The following MGAT4C variants were observed in gnomAD, a reference collection of about 807,000 sequenced individuals.
MGAT4C encodes the protein alpha-1,3-mannosyl-glycoprotein 4-beta-N-acetylglucosaminyltransferase C.
A neutral mutation model predicts 40.1 loss-of-function variants in MGAT4C; 19 were observed. That is an observed-to-expected ratio of 0.47 (90% CI 0.33 to 0.70). The LOEUF is 0.70. Among genes scored for constraint, MGAT4C ranks in the 30% least tolerant of loss-of-function variants. The probability of loss-of-function intolerance (pLI) is 0.02; values close to 1 mark genes in which losing one functional copy is unlikely to be tolerated. For missense variants in MGAT4C, 491 were observed against 563.2 expected (o/e 0.87, Z 1.30); for synonymous variants, 181 against 187.1 (o/e 0.97, Z 0.27).
At chr12:86,350,587 T>C (rs1203375867) in intron 3 of MGAT4C, among the ~76,000 whole-genome samples, 2 of 152,126 alleles carry the variant, frequency 1.3e-5, no homozygotes, top group Non-Finnish European at 2.9e-5. Context: ...CAAATGGAAT[T>C]CACTTATGCA....
At chr12:86,580,139 T>C (rs1337978050) in intron 2 of MGAT4C, among the ~76,000 whole-genome samples, 1 of 151,432 alleles carries the variant, frequency 6.6e-6, no homozygotes, top group Non-Finnish European at 1.5e-5. Context: ...TCTATTTTTC[T>C]GCCTAAGTGC....
intron 1 of MGAT4C, among the ~76,000 whole-genome samples, chr12:86,110,025 G>A (rs188494863): frequency 6.6e-6 from 1 of 151,200 alleles, no homozygotes; most frequent in Admixed American, 6.6e-5. Flanking sequence ...AAAGTCATGG[G>A]CAAAGGCCCT....
At chr12:86,661,874 G>A (rs1963988681) in intron 2 of MGAT4C, among the ~76,000 whole-genome samples, 1 of 152,120 alleles carries the variant, frequency 6.6e-6, no homozygotes, top group African/African-American at 2.4e-5. Context: ...GGGAGGTGTA[G>A]GTTGTAGTGA....
intron 2 of MGAT4C, among the ~76,000 whole-genome samples, chr12:86,485,032 G>A (rs1957997719): frequency 6.6e-6 from 1 of 152,046 alleles, no homozygotes; most frequent in Admixed American, 6.6e-5. Flanking sequence ...GACACCCAGG[G>A]CAAGAATCCA....
chr12:86,726,811 A>G (rs1032560588), intron 2 of MGAT4C, among the ~76,000 whole-genome samples: 2 of 152,158 alleles, frequency 1.3e-5, no homozygotes, highest in African/African-American at 4.8e-5. Flanking sequence ...AATTAATTTG[A>G]AAACGTAGAG....
chr12:86,239,106 A>G lies in MGAT4C; in HGVS notation c.-57+17133T>C, dbSNP rs144918144. ...GCGAGTGTTCTTGTCTTTTACTTTTAGGAAATGTGTAATAGCAACTGCATT... is the reference window on the plus strand; with the variant it reads ...GCGAGTGTTCTTGTCTTTTACTTTTGGGAAATGTGTAATAGCAACTGCATT... On this transcript the variant is annotated intron_variant, in intron 1 of 4. Coordinates refer to ENST00000611864, the MANE Select transcript of MGAT4C (RefSeq NM_001351288.2). 5.3e-5 allele frequency among the ~76,000 whole-genome samples: 8 copies of G among 152,098 alleles called. No individual in the cohort carries two copies. The East Asian group carries it at 1.2e-3, about 22-fold the overall frequency.
At chr12:86,046,909 G>C (rs531305768) in intron 2 of MGAT4C, among the ~76,000 whole-genome samples, 1 of 152,180 alleles carries the variant, frequency 6.6e-6, no homozygotes, top group South Asian at 2.1e-4. Flanking sequence ...ACAAAGCACT[G>C]CTAAACTTCT....
intron 1 of MGAT4C, among the ~76,000 whole-genome samples, chr12:86,081,503 A>C (rs183465306): frequency 3.9e-5 from 6 of 152,306 alleles, no homozygotes; most frequent in African/African-American, 1.4e-4. Context: ...CAAATTCACC[A>C]TGAATCCACT....
chr12:86,753,682 A>G (rs1951258755), intron 1 of MGAT4C, among the ~76,000 whole-genome samples: 1 of 152,158 alleles, frequency 6.6e-6, no homozygotes. Context: ...ATATTAAAAA[A>G]AACCTCAATT....
At chr12:86,481,069 A>ACAAACAT (rs1306957147) in intron 2 of MGAT4C, among the ~76,000 whole-genome samples, 8 of 152,160 alleles carry the variant, frequency 5.3e-5, no homozygotes, top group Admixed American at 5.2e-4. Context: ...AGTGATCATA[A>ACAAACAT]CAAACATCAA....
chr12:86,141,082 T>C (rs1351753962), intron 1 of MGAT4C, among the ~76,000 whole-genome samples: 1 of 152,142 alleles, frequency 6.6e-6, no homozygotes, highest in African/African-American at 2.4e-5. Flanking sequence ...GAGAGGAACA[T>C]GGTTGAGCTA....
At chr12:86,064,132 T>C (rs1565929494) in intron 1 of MGAT4C, among the ~76,000 whole-genome samples, 1 of 152,166 alleles carries the variant, frequency 6.6e-6, no homozygotes, top group Non-Finnish European at 1.5e-5. Flanking sequence ...TATCCTAAAA[T>C]TGACCACATA....
intron 1 of MGAT4C, among the ~76,000 whole-genome samples, chr12:86,070,360 G>C (rs958580521): frequency 1.3e-5 from 2 of 151,800 alleles, no homozygotes; most frequent in Admixed American, 6.6e-5. Flanking sequence ...TATAAAAACA[G>C]TAATCTTTTT....
intron 2 of MGAT4C, among the ~76,000 whole-genome samples, chr12:86,515,806 G>C (rs1350973847): frequency 2.0e-5 from 3 of 149,286 alleles, no homozygotes; most frequent in African/African-American, 7.4e-5. Flanking sequence ...GCAGTGGCGC[G>C]ATCTCAGCTC....
chr12:86,062,975 C>T (rs967175526), intron 1 of MGAT4C, among the ~76,000 whole-genome samples: 1 of 151,982 alleles, frequency 6.6e-6, no homozygotes, highest in South Asian at 2.1e-4. Context: ...GGAGAACTTC[C>T]CCAACCTAGC....
chr12:86,237,240 C>A (rs1159794223), intron 1 of MGAT4C, among the ~76,000 whole-genome samples: 2 of 151,560 alleles, frequency 1.3e-5, no homozygotes, highest in Admixed American at 6.6e-5. Context: ...TATAGATAAC[C>A]TACTTATAAG....
At chr12:86,662,389 T>A (rs1593090965) in intron 2 of MGAT4C, among the ~76,000 whole-genome samples, 1 of 152,308 alleles carries the variant, frequency 6.6e-6, no homozygotes, top group East Asian at 1.9e-4. Flanking sequence ...TCAGAATAAC[T>A]TGAAGAATAA....
At chr12:86,610,743 CT>C (rs1962226065) in intron 2 of MGAT4C, among the ~76,000 whole-genome samples, 2 of 145,986 alleles carry the variant, frequency 1.4e-5, no homozygotes, top group African/African-American at 5.1e-5. Flanking sequence ...CCCCCTCCCC[CT>C]ACCCCACCCC....
At chr12:86,059,007 T>C (rs954273479) in intron 1 of MGAT4C, among the ~76,000 whole-genome samples, 7 of 152,162 alleles carry the variant, frequency 4.6e-5, no homozygotes, top group African/African-American at 1.7e-4. Flanking sequence ...CAACACTCCA[T>C]ATCCCTGAAA....
Sources: gnomAD v4.1 joint callset for allele counts (sites outside exome capture counted in the v4.1 genomes callset) on GRCh38, gnomAD v4.1.1 for gene constraint, MANE v1.5 for transcripts, NCBI Gene and HGNC (gene_info 2026-07-23, HGNC 2026-07-21) for gene names.